The following ZNHIT6 variants were observed in gnomAD, a reference collection of about 807,000 sequenced individuals.
ZNHIT6 encodes the protein zinc finger HIT-type containing 6.
In ZNHIT6, 45 loss-of-function variants were observed where a neutral mutation model predicts 57.2. That is an observed-to-expected ratio of 0.79 (90% CI 0.62 to 1.01). ZNHIT6 has a LOEUF of 1.01. ZNHIT6 is among the 50% of genes least tolerant of loss of function. The pLI is 0.00. For synonymous variants in ZNHIT6, 188 were observed against 190.0 expected (o/e 0.99, Z 0.09); for missense variants, 528 against 567.3 (o/e 0.93, Z 0.70).
chr1:85,667,639 A>C (rs918898204), intron 8 of ZNHIT6, among the ~76,000 whole-genome samples: 20 of 151,444 alleles, frequency 1.3e-4, no homozygotes, highest in Admixed American at 2.0e-4. Context: ...AAAAAAAAAA[A>C]AAAAGAATAA....
At chr1:85,677,928 C>T (rs369907133) in intron 7 of ZNHIT6, among the ~76,000 whole-genome samples, 8 of 152,132 alleles carry the variant, frequency 5.3e-5, no homozygotes, top group Non-Finnish European at 1.0e-4. Context: ...TCTCCGTTTT[C>T]GAGTAGTGTC....
intron 6 of ZNHIT6, among the ~76,000 whole-genome samples, chr1:85,679,825 T>C (rs937244055): frequency 5.9e-5 from 9 of 152,156 alleles, no homozygotes; most frequent in African/African-American, 2.2e-4. Context: ...CCAAAGGCAA[T>C]CCATCCGCCT....
chr1:85,653,968 T>C lies in ZNHIT6; in HGVS notation c.*90A>G, dbSNP rs2100641116. On this transcript the variant is annotated 3_prime_UTR_variant, in exon 10 of 10. Coordinates refer to ENST00000370574, the MANE Select transcript of ZNHIT6 (RefSeq NM_017953.4). ...CAAAGAAAAAATTCCAATCACCCATTGACAATACCCCAATCAGCCAACAGC... is the reference window on the plus strand; with the variant it reads ...CAAAGAAAAAATTCCAATCACCCATCGACAATACCCCAATCAGCCAACAGC... 9.5e-7 allele frequency: 1 copy of C among 1,050,690 alleles called. No individual in the cohort carries two copies. Among genetic ancestry groups the C allele is most frequent in the East Asian group, 2.4e-5 (1 of 41,324 alleles). The allele number at this position is 1,050,690 out of a possible 1,614,324, so 65.1% of individuals were successfully genotyped here.
At chr1:85,679,650 T>C (rs1661812433) in intron 6 of ZNHIT6, among the ~76,000 whole-genome samples, 1 of 151,048 alleles carries the variant, frequency 6.6e-6, no homozygotes. Context: ...AGTGGCATGA[T>C]CTTGGCTCAC....
rs185783142 is a variant in ZNHIT6 at position 85,662,248 on chromosome 1, C to G, written c.1248-4277G>C. ...ACTTTATGTCCCATCTGATCACTGA[C>G]ACTCCATGGATCATCGCCCCTTCCA... is the stretch of plus-strand genomic sequence containing the variant. On this transcript the variant is annotated intron_variant, in intron 8 of 9. Transcript: ENST00000370574. Among the ~76,000 whole-genome samples the G allele has an allele frequency of 3.0e-4, 46 of 151,522 alleles. 2 individuals are homozygous for G. In the East Asian group the frequency reaches 5.8e-3, roughly 19 times the overall value.
intron 4 of ZNHIT6, among the ~76,000 whole-genome samples, chr1:85,705,407 GTT>G (rs1397446918): frequency 6.6e-6 from 1 of 151,840 alleles, no homozygotes; most frequent in Non-Finnish European, 1.5e-5. Flanking sequence ...ATAGAGACGG[GTT>G]TTCACCATGT....
intron 9 of ZNHIT6, among the ~76,000 whole-genome samples, chr1:85,656,243 T>C (rs1186368304): frequency 1.3e-5 from 2 of 152,188 alleles, no homozygotes; most frequent in Non-Finnish European, 1.5e-5. Flanking sequence ...AAAACTGGTA[T>C]GGTTTTAAAA....
chr1:85,656,733 C>A (rs898777187), intron 9 of ZNHIT6, among the ~76,000 whole-genome samples: 17 of 152,016 alleles, frequency 1.1e-4, no homozygotes, highest in African/African-American at 3.9e-4. Context: ...TTTAGAGGCC[C>A]ATAATTTATT....
rs572793310 is a variant in ZNHIT6 at position 85,693,345 on chromosome 1, GAGTA to G, written c.1019+8808_1019+8811del. ...AAAAAAGGAAGCTTACAACGTGAGTGAGTAAGTAATACAATTCTGTCTAAAAGAT... is the reference window on the plus strand; with the variant it reads ...AAAAAAGGAAGCTTACAACGTGAGTGAGTAATACAATTCTGTCTAAAAGAT... On this transcript the variant is annotated intron_variant, in intron 5 of 9. Coordinates refer to ENST00000370574, the MANE Select transcript of ZNHIT6 (RefSeq NM_017953.4). 5.3e-5 allele frequency among the ~76,000 whole-genome samples: 8 copies of G among 152,250 alleles called. No homozygotes were observed. The East Asian group carries it at 1.5e-3, about 29-fold the overall frequency.
chr1:85,677,087 T>G, intron 8 of ZNHIT6, 149 bp downstream of exon 8: 1 of 564,834 alleles, frequency 1.8e-6, no homozygotes, highest in Non-Finnish European at 3.0e-6. Context: ...CCTATAAGTC[T>G]GATTATTTTG....
At chr1:85,703,615 A>G (rs535304922) in intron 4 of ZNHIT6, among the ~76,000 whole-genome samples, 4 of 152,314 alleles carry the variant, frequency 2.6e-5, no homozygotes, top group African/African-American at 9.6e-5. Context: ...ACTCCTCTGT[A>G]TATGATACCA....
At position 85,674,537 on chromosome 1, in the gene ZNHIT6, A is replaced by G. The variant is rs150649673; in HGVS notation, c.1247+2699T>C. ...ATCTACTATTCCCTTCACTTTGGCG[A>G]TTAAAAAGGTCAGTTTTGTTTAGTA... is the stretch of plus-strand genomic sequence containing the variant. On this transcript the variant is annotated intron_variant, in intron 8 of 9. Transcript: ENST00000370574. Among the ~76,000 whole-genome samples, 160 of 152,308 alleles carry G rather than the reference A, an allele frequency of 1.1e-3. 1 individual carries two copies. The highest frequency in any genetic ancestry group is 3.6e-3 in the African/African-American group (151 of 41,570).
intron 5 of ZNHIT6, among the ~76,000 whole-genome samples, chr1:85,682,698 C>G (rs1012782463): frequency 1.3e-5 from 2 of 152,160 alleles, no homozygotes; most frequent in Non-Finnish European, 2.9e-5. Context: ...AGTACACTAA[C>G]TTTTAAAATG....
intron 1 of ZNHIT6, 142 bp downstream of exon 1, chr1:85,707,487 C>T (rs748487185): frequency 6.2e-5 from 53 of 848,854 alleles, no homozygotes; most frequent in Non-Finnish European, 8.9e-5. Context: ...AACCCACCCC[C>T]GCGAACGCCG....
At chr1:85,667,961 A>AATATATATATATATATAT (rs1553155849) in intron 8 of ZNHIT6, among the ~76,000 whole-genome samples, 8 of 18,172 alleles carry the variant, frequency 4.4e-4, no homozygotes, top group East Asian at 1.7e-3. Context: ...AAAAAAAAAA[A>AATATATATATATATATAT]ATATATATAT....
At chr1:85,697,576 C>T (rs1238213445) in intron 5 of ZNHIT6, among the ~76,000 whole-genome samples, 1 of 152,274 alleles carries the variant, frequency 6.6e-6, no homozygotes, top group East Asian at 1.9e-4. Context: ...GATCTAGTTA[C>T]AGATTTCTAG....
chr1:85,667,961 A>AT (rs1394453372), intron 8 of ZNHIT6, among the ~76,000 whole-genome samples: 251 of 18,212 alleles, frequency 0.014, 25 homozygotes, highest in African/African-American at 0.05. Context: ...AAAAAAAAAA[A>AT]ATATATATAT....
chr1:85,661,153 A>G (rs1661209981), intron 8 of ZNHIT6, among the ~76,000 whole-genome samples: 1 of 152,238 alleles, frequency 6.6e-6, no homozygotes, highest in Non-Finnish European at 1.5e-5. Context: ...AAGAAAGCCT[A>G]TCAGACACAT....
At chr1:85,655,328 G>A (rs979839464) in intron 9 of ZNHIT6, among the ~76,000 whole-genome samples, 7 of 152,124 alleles carry the variant, frequency 4.6e-5, no homozygotes, top group Non-Finnish European at 1.5e-5. Flanking sequence ...GGAAGAATGA[G>A]GAAAGGTGAG....
Sources: allele counts gnomAD v4.1 joint callset (sites outside exome capture counted in the v4.1 genomes callset), GRCh38; gene constraint gnomAD v4.1.1; transcripts MANE v1.5; gene names NCBI Gene and HGNC (gene_info 2026-07-23, HGNC 2026-07-21).